Variants in FRMD4B observed in about 807,000 individuals in gnomAD.
The protein encoded by FRMD4B is FERM domain containing 4B.
In FRMD4B, 74 loss-of-function variants were observed where a neutral mutation model predicts 141.5. The observed-to-expected ratio is 0.52, with a 90% CI of 0.43 to 0.63. The LOEUF (loss-of-function observed/expected upper bound fraction) is 0.63, where lower values mean the gene tolerates loss of function less well. Ranked by LOEUF, FRMD4B falls within the 30% of genes least tolerant of loss-of-function variation. The pLI, the probability that FRMD4B is intolerant of heterozygous loss-of-function variation, is 0.00. For synonymous variants in FRMD4B, 506 were observed against 467.9 expected, an observed-to-expected ratio of 1.08 and a Z score of -1.05; for missense variants, 1,366 against 1,253.4, an observed-to-expected ratio of 1.09 and a Z score of -1.36.
intron 1 of FRMD4B, among the ~76,000 whole-genome samples, chr3:69,480,004 C>T (rs1706090013): frequency 6.6e-6 from 1 of 152,158 alleles, no homozygotes; most frequent in Admixed American, 6.5e-5. Context: ...TGCATCTGCT[C>T]CTGAGGCTTC....
At chr3:69,325,453 G>C (rs1019119535) in intron 1 of FRMD4B, among the ~76,000 whole-genome samples, 1 of 152,162 alleles carries the variant, frequency 6.6e-6, no homozygotes, top group Admixed American at 6.5e-5. Context: ...GGTTTTAAAG[G>C]AAGAAAGAAA....
chr3:69,343,963 A>G (rs781473217), intron 1 of FRMD4B, among the ~76,000 whole-genome samples: 4 of 152,022 alleles, frequency 2.6e-5, no homozygotes, highest in Non-Finnish European at 4.4e-5. Flanking sequence ...ATATTCCCCA[A>G]CTGGTAATGG....
chr3:69,275,245 C>T (rs1321212607), intron 5 of FRMD4B, among the ~76,000 whole-genome samples: 1 of 151,984 alleles, frequency 6.6e-6, no homozygotes, highest in Non-Finnish European at 1.5e-5. Context: ...TCTAAATTTT[C>T]TACAATTAAT....
At chr3:69,331,323 C>T (rs1166879567) in intron 1 of FRMD4B, among the ~76,000 whole-genome samples, 1 of 152,148 alleles carries the variant, frequency 6.6e-6, no homozygotes, top group Non-Finnish European at 1.5e-5. Flanking sequence ...GTGCAGCTGG[C>T]CACTCAGCCC....
At chr3:69,421,204 A>G (rs1704972757) in intron 2 of FRMD4B, among the ~76,000 whole-genome samples, 1 of 152,232 alleles carries the variant, frequency 6.6e-6, no homozygotes, top group Non-Finnish European at 1.5e-5. Context: ...GCCAGTAGTC[A>G]GATCTCTGGG....
intron 5 of FRMD4B, among the ~76,000 whole-genome samples, chr3:69,271,725 C>T (rs2093595128): frequency 6.6e-6 from 1 of 152,178 alleles, no homozygotes; most frequent in South Asian, 2.1e-4. Flanking sequence ...GTAATCCCAG[C>T]ACTTTGAGAG....
Position 69,170,078 on chromosome 3 carries a change from T to C in FRMD4B, c.*1783A>G, listed in dbSNP as rs922630566. The C allele has an allele frequency of 1.4e-4, 21 of 152,230 alleles. No homozygotes were observed. The highest frequency in any genetic ancestry group is 4.8e-5 in the African/African-American group (2 of 41,456). 9.4% of individuals were successfully genotyped at this position (152,230 alleles called of 1,614,324 possible). A position where few individuals can be genotyped will look rare whatever the true frequency, so the allele number is the denominator to read the frequency against. ...AAAAACTGCCAATTCAAGTAGAATA[T>C]GCCATCAATAAAAAGATGAACCATG... On this transcript the variant is annotated 3_prime_UTR_variant, in exon 23 of 23. Transcript: ENST00000398540.
intron 19 of FRMD4B, among the ~76,000 whole-genome samples, chr3:69,184,716 A>G (rs1164704755): frequency 2.0e-5 from 3 of 152,218 alleles, no homozygotes; most frequent in African/African-American, 2.4e-5. Context: ...CCCTAACATA[A>G]GAAGCACACT....
At chr3:69,427,643 GTTTTTTTTTTTTTTTTT>G (rs774316609) in intron 2 of FRMD4B, among the ~76,000 whole-genome samples, 529 of 36,276 alleles carry the variant, frequency 0.015, 26 homozygotes, top group African/African-American at 0.052. Flanking sequence ...CTAGGTAAAT[GTTTTTTTTTTTTTTTTT>G]TTTTTTTTTT....
At chr3:69,378,426 G>A (rs1704030221) in intron 1 of FRMD4B, among the ~76,000 whole-genome samples, 1 of 152,200 alleles carries the variant, frequency 6.6e-6, no homozygotes. Flanking sequence ...AACATTCTGT[G>A]GGCCTGAATG....
chr3:69,281,353 T>C (rs532473391), intron 5 of FRMD4B, among the ~76,000 whole-genome samples: 3 of 152,216 alleles, frequency 2.0e-5, no homozygotes, highest in Non-Finnish European at 4.4e-5. Flanking sequence ...ATTAACTTTG[T>C]AGATGTTTAA....
chr3:69,310,952 T>C (rs961578140), intron 3 of FRMD4B, among the ~76,000 whole-genome samples: 3 of 152,202 alleles, frequency 2.0e-5, no homozygotes, highest in Admixed American at 6.5e-5. Flanking sequence ...TTCTACCATA[T>C]AAGCTAAATT....
At chr3:69,494,646 C>T (rs991845709) in intron 1 of FRMD4B, among the ~76,000 whole-genome samples, 3 of 152,158 alleles carry the variant, frequency 2.0e-5, no homozygotes, top group Admixed American at 1.3e-4. Flanking sequence ...AATCCCAGCA[C>T]TTTGGGAGGC....
At chr3:69,532,640 T>C (rs1474044933) in intron 1 of FRMD4B, among the ~76,000 whole-genome samples, 1 of 152,224 alleles carries the variant, frequency 6.6e-6, no homozygotes, top group East Asian at 1.9e-4. Flanking sequence ...CCCTCCTTTA[T>C]CTGACAGAAC....
chr3:69,536,869 T>C (rs2107171313), intron 1 of FRMD4B, among the ~76,000 whole-genome samples: 1 of 152,124 alleles, frequency 6.6e-6, no homozygotes, highest in East Asian at 1.9e-4. Context: ...ACCTCAGCCT[T>C]CTGAGTACCT....
intron 1 of FRMD4B, among the ~76,000 whole-genome samples, chr3:69,490,956 C>T (rs150663333): frequency 2.1e-4 from 32 of 152,264 alleles, no homozygotes; most frequent in African/African-American, 7.5e-4. Flanking sequence ...CCAGAATTTC[C>T]TTAACAACAA....
At chr3:69,240,412 C>T (rs1240563514) in intron 7 of FRMD4B, among the ~76,000 whole-genome samples, 6 of 130,832 alleles carry the variant, frequency 4.6e-5, no homozygotes, top group African/African-American at 1.4e-4. Flanking sequence ...ACCCGGGAGG[C>T]GGAGGTTGCA....
chr3:69,480,102 A>C (rs959551519), intron 1 of FRMD4B, among the ~76,000 whole-genome samples: 2 of 152,152 alleles, frequency 1.3e-5, no homozygotes, highest in Admixed American at 1.3e-4. Context: ...CTAGTTATAC[A>C]TTCGTCTAAA....
intron 5 of FRMD4B, among the ~76,000 whole-genome samples, chr3:69,283,408 A>ACAAACAAAAAAC (rs1553716233): frequency 5.0e-5 from 7 of 141,050 alleles, no homozygotes; most frequent in African/African-American, 1.6e-4. Flanking sequence ...CAACAAACAA[A>ACAAACAAAAAAC]AAACAAAAAA....
Sources: gnomAD v4.1 joint callset for allele counts (sites outside exome capture counted in the v4.1 genomes callset) on GRCh38, gnomAD v4.1.1 for gene constraint, MANE v1.5 for transcripts, NCBI Gene and HGNC (gene_info 2026-07-23, HGNC 2026-07-21) for gene names.